Variants in TNKS2 observed in about 807,000 individuals in gnomAD.
TNKS2 encodes the protein tankyrase 2, also known as poly [ADP-ribose] polymerase tankyrase-2.
A neutral mutation model predicts 137.6 loss-of-function variants in TNKS2; 72 were observed. That is an observed-to-expected ratio of 0.52 (90% confidence interval 0.43 to 0.64). The LOEUF is 0.64. Among genes scored for constraint, TNKS2 ranks in the 30% least tolerant of loss-of-function variants. TNKS2 has a pLI of 0.00. For synonymous variants in TNKS2, 516 were observed against 512.1 expected, an observed-to-expected ratio of 1.01 and a Z score of -0.10; for missense variants, 1,049 against 1,410.2, an observed-to-expected ratio of 0.74 and a Z score of 4.10.
rs749048846 is a variant in TNKS2 at position 91,845,895 on chromosome 10, G to A, written c.2313G>A (p.Pro771=). 5.7e-5 allele frequency: 91 copies of A among 1,587,838 alleles called. No individual in the cohort carries two copies. The East Asian group carries it at 9.0e-4, about 16-fold the overall frequency. ...CALLLAHGAD[P]TLKNQEGQTP... is the part of the protein sequence containing the mutation. ...TGTTGCTAGCCCATGGAGCTGACCC[G>A]ACTCTTAAAAATCAGGAAGGACAAA... The change falls in exon 18 of 27, where the codon CCG becomes CCA. Residue 771 remains proline, a synonymous_variant. Transcript: ENST00000371627.
At chr10:91,837,968 C>T (rs1416186401) in intron 13 of TNKS2, among the ~76,000 whole-genome samples, 2 of 141,406 alleles carry the variant, frequency 1.4e-5, no homozygotes, top group African/African-American at 5.2e-5. Flanking sequence ...CAAATTACTT[C>T]AGTTAAAAGG....
intron 22 of TNKS2, 91 bp from the exon 23 acceptor site, chr10:91,855,523 A>G: frequency 2.0e-6 from 2 of 1,006,804 alleles, no homozygotes; most frequent in Non-Finnish European, 2.9e-6. Flanking sequence ...ATTCTCAAAA[A>G]TAGAATCAGA....
chr10:91,857,551 C>T (rs1176543912), intron 24 of TNKS2, 21 bp downstream of exon 24: 2 of 1,495,898 alleles, frequency 1.3e-6, no homozygotes, highest in South Asian at 2.3e-5. Flanking sequence ...TCCCCACCAA[C>T]TCTACCACTG....
intron 25 of TNKS2, among the ~76,000 whole-genome samples, chr10:91,860,283 G>A (rs1423928977): frequency 1.3e-5 from 2 of 152,076 alleles, no homozygotes; most frequent in Admixed American, 1.3e-4. Flanking sequence ...AATCCAGTAA[G>A]ATTAATTCCT....
intron 1 of TNKS2, among the ~76,000 whole-genome samples, chr10:91,802,557 G>A (rs892600977): frequency 6.6e-6 from 1 of 152,224 alleles, no homozygotes; most frequent in African/African-American, 2.4e-5. Flanking sequence ...CGACCAACAG[G>A]TTATAATCTC....
intron 1 of TNKS2, among the ~76,000 whole-genome samples, chr10:91,810,920 C>CTTTGTTTT (rs1844479693): frequency 2.0e-5 from 1 of 50,124 alleles, no homozygotes; most frequent in Non-Finnish European, 3.2e-5. Context: ...CTTTTCTTTT[C>CTTTGTTTT]TTTTTTTTTT....
intron 1 of TNKS2, among the ~76,000 whole-genome samples, chr10:91,805,795 TTTTCTC>T (rs1346960109): frequency 2.6e-5 from 4 of 152,214 alleles, no homozygotes; most frequent in Admixed American, 2.6e-4. Flanking sequence ...TTTTGATTCT[TTTTCTC>T]TTACTCTCCA....
rs751850325 is a variant in TNKS2, at chr10:91,853,585, A to G, written c.2816-1444A>G. 1.2e-4 allele frequency among the ~76,000 whole-genome samples: 18 copies of G among 152,330 alleles called. 1 individual carries two copies. Among genetic ancestry groups the G allele is most frequent in the Middle Eastern group, 6.8e-3 (2 of 294 alleles). On this transcript the variant is annotated intron_variant, in intron 21 of 26. Transcript: ENST00000371627. ...ACTTAACAGCCTTACCTATCATTCA[A>G]TGCATCAAGTCAATAGATGACTAGT...
chr10:91,856,955 CAGA>C (rs1564630757), intron 23 of TNKS2, among the ~76,000 whole-genome samples: 1 of 151,954 alleles, frequency 6.6e-6, no homozygotes, highest in Admixed American at 6.6e-5. Context: ...TTTTCTGAAT[CAGA>C]AGGTCGAGGG....
In TNKS2 at chr10:91,830,943, A is replaced by G. The variant is rs760397403; in HGVS notation, c.1125A>G (p.Pro375=). Residue 375 remains proline, a synonymous_variant, in exon 10 of 27, where the codon CCA becomes CCG. Coordinates refer to ENST00000371627, the MANE Select transcript of TNKS2 (RefSeq NM_025235.4). ...TTTAGCATTGTGCTGCTGCATCTCC[A>G]TATCCCAAAAGAAAGCAAATATGTG... ...ETALHCAAAS[P]YPKRKQICEL... The G allele has an allele frequency of 1.9e-6, 3 of 1,610,694 alleles. No individual in the cohort carries two copies. Among genetic ancestry groups the G allele is most frequent in the South Asian group, 1.1e-5 (1 of 90,830 alleles).
intron 2 of TNKS2, among the ~76,000 whole-genome samples, chr10:91,816,239 C>T (rs1844694150): frequency 6.6e-6 from 1 of 152,166 alleles, no homozygotes; most frequent in Admixed American, 6.5e-5. Context: ...TGAGCCACCA[C>T]ACCCAGCCAA....
At chr10:91,837,092 T>C in intron 13 of TNKS2, 94 bp downstream of exon 13, 1 of 1,247,050 alleles carries the variant, frequency 8.0e-7, no homozygotes, top group Non-Finnish European at 1.1e-6. Context: ...CTGGTTTATT[T>C]GTATGGGCCT....
chr10:91,863,647 TTC>T lies in TNKS2; in HGVS notation c.*651_*652del, dbSNP rs1477088995. 1 of 152,202 alleles carries T rather than the reference TTC, an allele frequency of 6.6e-6. No individual in the cohort carries two copies. 9.4% of individuals were successfully genotyped at this position (152,202 alleles called of 1,614,324 possible). A position where few individuals can be genotyped will look rare whatever the true frequency, so the allele number is the denominator to read the frequency against. On this transcript the variant is annotated 3_prime_UTR_variant, in exon 27 of 27. Coordinates refer to ENST00000371627, the MANE Select transcript of TNKS2 (RefSeq NM_025235.4). ...AGCCTTTATCTGTCATTAGAAATCT[TTC>T]TCATTTAAGAACTTATGAATATGCT...
At chr10:91,828,133 G>T in intron 8 of TNKS2, 152 bp from the exon 9 acceptor site, 1 of 812,094 alleles carries the variant, frequency 1.2e-6, no homozygotes, top group Non-Finnish European at 1.8e-6. Context: ...TCTGTTTTCA[G>T]GGGTTAAATT....
intron 20 of TNKS2, among the ~76,000 whole-genome samples, chr10:91,850,023 A>C (rs769341178): frequency 1.6e-4 from 25 of 152,178 alleles, no homozygotes; most frequent in Non-Finnish European, 3.5e-4. Flanking sequence ...AAATAATGTT[A>C]CTGTAGATTT....
chr10:91,809,028 A>G (rs886951636), intron 1 of TNKS2, among the ~76,000 whole-genome samples: 2 of 152,184 alleles, frequency 1.3e-5, no homozygotes, highest in African/African-American at 4.8e-5. Context: ...GAAACAACCT[A>G]ACTATGTATG....
intron 1 of TNKS2, chr10:91,807,466 G>A (rs1844361772): frequency 6.2e-7 from 1 of 1,604,744 alleles, no homozygotes; most frequent in Non-Finnish European, 8.5e-7. Flanking sequence ...AAAGTAAAGA[G>A]AAGCAAGGCC....
At chr10:91,814,002 T>A (rs1301254618) in intron 2 of TNKS2, among the ~76,000 whole-genome samples, 1 of 152,226 alleles carries the variant, frequency 6.6e-6, no homozygotes, top group Admixed American at 6.5e-5. Flanking sequence ...TTTACTATAC[T>A]TTTTATTGTG....
intron 3 of TNKS2, 59 bp from the exon 4 acceptor site, chr10:91,819,211 A>G (rs1844804612): frequency 1.9e-6 from 2 of 1,067,322 alleles, no homozygotes; most frequent in East Asian, 6.0e-5. Context: ...ATCTTTTTGC[A>G]TAAAACTCAT....
Sources: gnomAD v4.1 joint callset for allele counts (sites outside exome capture counted in the v4.1 genomes callset) on GRCh38, gnomAD v4.1.1 for gene constraint, MANE v1.5 for transcripts, NCBI Gene and HGNC (gene_info 2026-07-23, HGNC 2026-07-21) for gene names.